The following NAA11 variants were observed in gnomAD, a reference collection of about 807,000 sequenced individuals.
NAA11 encodes the protein N-alpha-acetyltransferase 11, NatA catalytic subunit.
Under a neutral mutation model 16.1 loss-of-function variants are expected in NAA11, and 15 were observed. The observed-to-expected ratio is 0.93, with a 90% confidence interval of 0.62 to 1.44. The LOEUF (loss-of-function observed/expected upper bound fraction) is 1.44, where lower values mean the gene tolerates loss of function less well. NAA11 is among the 40% of genes most tolerant of loss of function. The pLI, the probability that NAA11 is intolerant of heterozygous loss-of-function variation, is 0.00. For missense variants in NAA11, 298 were observed against 291.3 expected (o/e 1.02, Z -0.17); for synonymous variants, 122 against 112.4 (o/e 1.09, Z -0.54).
At chr4:79,202,622 TTTATATATATATATATATATATATATA>T in the NAA11 span, among the ~76,000 whole-genome samples, 217 of 55,700 alleles carry the variant, frequency 3.9e-3, 4 homozygotes, top group Non-Finnish European at 6.9e-3. Context: ...TATATATAGT[TTTATATATATATATATATATATATATA>T]TCTGTGTAAT....
chr4:79,283,633 T>C (rs1383678802), intron 2 of NAA11, among the ~76,000 whole-genome samples: 3 of 152,068 alleles, frequency 2.0e-5, no homozygotes, highest in South Asian at 2.1e-4. Flanking sequence ...ACAAAATCTC[T>C]AAGGGTATGT....
At chr4:79,157,872 A>C in the NAA11 span, among the ~76,000 whole-genome samples, 1 of 151,638 alleles carries the variant, frequency 6.6e-6, no homozygotes, top group Admixed American at 6.6e-5. Context: ...GTAAAGAAGA[A>C]GTCAAACTGT....
At chr4:79,320,615 A>G (rs766580276) in intron 1 of NAA11, among the ~76,000 whole-genome samples, 1 of 152,212 alleles carries the variant, frequency 6.6e-6, no homozygotes, top group Non-Finnish European at 1.5e-5. Flanking sequence ...CATCATTAAC[A>G]GTGCTTAGAA....
intron 2 of NAA11, among the ~76,000 whole-genome samples, chr4:79,277,033 A>G (rs952336970): frequency 5.3e-5 from 8 of 152,174 alleles, no homozygotes; most frequent in Non-Finnish European, 1.0e-4. Flanking sequence ...AGCCTTAGAC[A>G]TGATATTAGC....
At chr4:79,308,852 G>A (rs1197221213) in intron 1 of NAA11, 1 of 152,066 alleles carries the variant, frequency 6.6e-6, no homozygotes, top group Non-Finnish European at 1.5e-5. Context: ...TAATGTGTTA[G>A]ACTGAGTTTT....
At chr4:79,159,624 TA>T in the NAA11 span, among the ~76,000 whole-genome samples, 1 of 152,204 alleles carries the variant, frequency 6.6e-6, no homozygotes, top group Non-Finnish European at 1.5e-5. Context: ...TGGTGAAAAG[TA>T]ATTACAGTTT....
the NAA11 span, among the ~76,000 whole-genome samples, chr4:79,210,440 C>T: frequency 6.6e-6 from 1 of 152,100 alleles, no homozygotes; most frequent in African/African-American, 2.4e-5. Flanking sequence ...TTGTCCCAGA[C>T]TTTCTGGCTC....
intron 2 of NAA11, among the ~76,000 whole-genome samples, chr4:79,240,884 AAAC>A (rs1384652412): frequency 6.6e-6 from 1 of 152,166 alleles, no homozygotes; most frequent in East Asian, 1.9e-4. Flanking sequence ...AGCAACTAAA[AAAC>A]AACAACAAAA....
chr4:79,171,533 A>G, the NAA11 span, among the ~76,000 whole-genome samples: 1 of 152,180 alleles, frequency 6.6e-6, no homozygotes, highest in Non-Finnish European at 1.5e-5. Flanking sequence ...TAGATAAAAT[A>G]TGGGCAAATA....
chr4:79,196,066 A>G, the NAA11 span: 5 of 152,280 alleles, frequency 3.3e-5, no homozygotes, highest in African/African-American at 1.2e-4. Context: ...CCCTTTCTCC[A>G]TAGAATGCAC....
At position 79,321,343 on chromosome 4, in the gene NAA11, C is replaced by T. The variant is rs954706584; in HGVS notation, c.*13-3552G>A. 7.2e-5 allele frequency among the ~76,000 whole-genome samples: 11 copies of T among 152,314 alleles called. No individual in the cohort carries two copies. In the South Asian group the frequency reaches 2.1e-3, roughly 29 times the overall value. On this transcript the variant is annotated intron_variant, in intron 1 of 1. Transcript: ENST00000286794. The stretch of plus-strand genomic sequence containing the variant: ...TTTCTTTCCTGAGCACAAAGCTAAA[C>T]TAAATATCATAGCCTCCCCTGCAGT...
the NAA11 span, among the ~76,000 whole-genome samples, chr4:79,210,212 T>G: frequency 6.6e-6 from 1 of 151,928 alleles, no homozygotes; most frequent in Non-Finnish European, 1.5e-5. Context: ...TTTTACAGGT[T>G]AGGGCTAAGC....
chr4:79,244,239 G>T (rs988350361), intron 2 of NAA11, among the ~76,000 whole-genome samples: 1 of 152,150 alleles, frequency 6.6e-6, no homozygotes, highest in Non-Finnish European at 1.5e-5. Context: ...GACTTTTCTA[G>T]TGGGTGGGGC....
Position 79,325,605 on chromosome 4 carries a change from C to T in NAA11, c.273G>A (p.Met91Ile). The T allele has an allele frequency of 6.2e-7, 1 of 1,614,078 alleles. No individual in the cohort carries two copies. The highest frequency in any genetic ancestry group is 8.5e-7 in the Non-Finnish European group (1 of 1,179,956). ...HRRLGLAQKL[M>I]DQASRAMIEN... is the part of the protein sequence containing the mutation. Reference sequence around the variant, plus strand: ...CTATCATGGCCCTGGAGGCCTGGTCCATCAGCTTCTGGGCCAGGCCGAGGC... The same window carrying T: ...CTATCATGGCCCTGGAGGCCTGGTCTATCAGCTTCTGGGCCAGGCCGAGGC... Residue 91 changes from methionine to isoleucine, a missense_variant, in exon 1 of 2, where the codon ATG becomes ATA. Transcript: ENST00000286794.
the NAA11 span, among the ~76,000 whole-genome samples, chr4:79,201,457 T>G: frequency 6.6e-6 from 1 of 151,936 alleles, no homozygotes; most frequent in East Asian, 1.9e-4. Context: ...ATACTTGCTC[T>G]GTTCATATTT....
intron 1 of NAA11, among the ~76,000 whole-genome samples, chr4:79,324,334 C>A (rs1240749706): frequency 6.6e-6 from 1 of 152,118 alleles, no homozygotes; most frequent in Non-Finnish European, 1.5e-5. Context: ...ATATAGTCCC[C>A]GTTCAAATTT....
chr4:79,313,357 C>T (rs1723834846), downstream of NAA11, among the ~76,000 whole-genome samples: 1 of 152,012 alleles, frequency 6.6e-6, no homozygotes, highest in African/African-American at 2.4e-5. Flanking sequence ...AGAGGATATC[C>T]ACGTGGTCAT....
the NAA11 span, among the ~76,000 whole-genome samples, chr4:79,196,424 G>T: frequency 1.3e-5 from 2 of 152,118 alleles, no homozygotes; most frequent in East Asian, 3.9e-4. Flanking sequence ...GGTATAATTA[G>T]ATGTACTATA....
chr4:79,203,829 A>C, the NAA11 span, among the ~76,000 whole-genome samples: 1 of 151,848 alleles, frequency 6.6e-6, no homozygotes, highest in Non-Finnish European at 1.5e-5. Context: ...TCAATGACAA[A>C]AAGATGAATC....
Sources: allele counts gnomAD v4.1 joint callset (sites outside exome capture counted in the v4.1 genomes callset), GRCh38; gene constraint gnomAD v4.1.1; transcripts MANE v1.5; gene names NCBI Gene and HGNC (gene_info 2026-07-23, HGNC 2026-07-21).